The following GRIN2B variants were observed in gnomAD, a reference collection of about 807,000 sequenced individuals.
The protein encoded by GRIN2B is glutamate receptor ionotropic, NMDA 2B.
In GRIN2B, 5 loss-of-function variants were observed where a neutral mutation model predicts 114.5. That is an observed-to-expected ratio of 0.04 (90% CI 0.02 to 0.09). The LOEUF (loss-of-function observed/expected upper bound fraction) is 0.09, where lower values mean the gene tolerates loss of function less well. Ranked by LOEUF, GRIN2B falls within the 10% of genes least tolerant of loss-of-function variation. GRIN2B has a pLI of 1.00. For missense variants in GRIN2B, 1,108 were observed against 1,943.5 expected, an observed-to-expected ratio of 0.57 and a Z score of 8.08; for synonymous variants, 787 against 745.1, an observed-to-expected ratio of 1.06 and a Z score of -0.92.
In GRIN2B at chr12:13,547,981, A is replaced by ATATATATTTTTTTTTT; in HGVS notation, c.*14801_*14802insAAAAAAAAAATATATA. 1.5e-5 allele frequency: 1 copy of ATATATATTTTTTTTTT among 68,596 alleles called. No homozygotes were observed. The highest frequency in any genetic ancestry group is 4.6e-5 in the African/African-American group (1 of 21,784). 4.2% of individuals were successfully genotyped at this position (68,596 alleles called of 1,614,324 possible). On this transcript the variant is annotated 3_prime_UTR_variant, in exon 14 of 14. Coordinates refer to ENST00000609686, the MANE Select transcript of GRIN2B (RefSeq NM_000834.5). Reference sequence around the variant, plus strand: ...TGTGTATATATATATATATATATATATTTTTTTTTTTTTTCTGAAAGCTAC... The same window carrying ATATATATTTTTTTTTT: ...TGTGTATATATATATATATATATATATATATATTTTTTTTTTTTTTTTTTTTTTTTCTGAAAGCTAC...
chr12:13,837,613 G>C (rs781679778), intron 3 of GRIN2B, among the ~76,000 whole-genome samples: 4 of 152,170 alleles, frequency 2.6e-5, no homozygotes, highest in Non-Finnish European at 5.9e-5. Context: ...TTAAGTCATT[G>C]CCTAAGTTCA....
chr12:13,573,123 A>T (rs1333523209), intron 10 of GRIN2B, among the ~76,000 whole-genome samples: 1 of 149,392 alleles, frequency 6.7e-6, no homozygotes, highest in Non-Finnish European at 1.5e-5. Flanking sequence ...CTAATTTTCA[A>T]GAATGTTGTG....
intron 2 of GRIN2B, among the ~76,000 whole-genome samples, chr12:13,878,591 A>C (rs111611888): frequency 3.9e-5 from 6 of 152,326 alleles, no homozygotes; most frequent in African/African-American, 7.2e-5. Context: ...TGAGTTCCAC[A>C]ATAATACCTA....
chr12:13,700,772 C>T (rs1045520262), intron 4 of GRIN2B, among the ~76,000 whole-genome samples: 4 of 152,140 alleles, frequency 2.6e-5, no homozygotes, highest in African/African-American at 9.7e-5. Flanking sequence ...AAATTGTTAG[C>T]AGATAAATAA....
intron 3 of GRIN2B, among the ~76,000 whole-genome samples, chr12:13,798,350 T>G (rs52135): frequency 0.98 from 148,555 of 152,166 alleles, 72,610 homozygotes; most frequent in Middle Eastern, 1. Flanking sequence ...AGGGATTCAA[T>G]TATGAATAAC....
intron 5 of GRIN2B, among the ~76,000 whole-genome samples, chr12:13,656,087 A>G (rs1258950981): frequency 2.6e-5 from 4 of 152,090 alleles, no homozygotes; most frequent in African/African-American, 9.7e-5. Context: ...ATCTTCCTCA[A>G]TCTCCTTCCT....
chr12:13,715,363 G>T (rs1048850185), intron 4 of GRIN2B, among the ~76,000 whole-genome samples: 1 of 151,864 alleles, frequency 6.6e-6, no homozygotes, highest in African/African-American at 2.4e-5. Context: ...CCATTAGGCT[G>T]AGAAATGTTT....
At chr12:13,584,399 TAGTA>T (rs1948890654) in intron 10 of GRIN2B, among the ~76,000 whole-genome samples, 1 of 152,362 alleles carries the variant, frequency 6.6e-6, no homozygotes, top group African/African-American at 2.4e-5. Flanking sequence ...ATCCAACACT[TAGTA>T]AGCTCTCAAT....
At chr12:13,737,631 A>G (rs185492979) in intron 4 of GRIN2B, among the ~76,000 whole-genome samples, 4 of 152,302 alleles carry the variant, frequency 2.6e-5, no homozygotes, top group Admixed American at 2.6e-4. Flanking sequence ...CGTGATACAA[A>G]ATGGTGTCTG....
chr12:13,562,153 T>C lies in GRIN2B; in HGVS notation c.*630A>G, dbSNP rs201674701. The C allele has an allele frequency of 6.5e-6, 1 of 153,050 alleles. No individual in the cohort carries two copies. The highest frequency in any genetic ancestry group is 2.1e-4 in the South Asian group (1 of 4,850). 9.5% of individuals were successfully genotyped at this position (153,050 alleles called of 1,614,324 possible). A position where few individuals can be genotyped will look rare whatever the true frequency, so the allele number is the denominator to read the frequency against. ...ATCCACTCTGCCACCAATGACCTTT[T>C]GTTCTGTTCACCACCACTATCGAGT... On this transcript the variant is annotated 3_prime_UTR_variant, in exon 14 of 14. Coordinates refer to ENST00000609686, the MANE Select transcript of GRIN2B (RefSeq NM_000834.5).
chr12:13,785,747 G>A (rs2136659703), intron 3 of GRIN2B, among the ~76,000 whole-genome samples: 1 of 152,210 alleles, frequency 6.6e-6, no homozygotes, highest in East Asian at 1.9e-4. Flanking sequence ...CATCAATCTT[G>A]TGATGTAACA....
At chr12:13,748,983 G>A (rs530524561) in intron 4 of GRIN2B, among the ~76,000 whole-genome samples, 64 of 152,224 alleles carry the variant, frequency 4.2e-4, no homozygotes, top group African/African-American at 1.5e-3. Context: ...TGCAACCCTG[G>A]CAAAATGCCT....
At chr12:13,826,381 G>A (rs1348215419) in intron 3 of GRIN2B, among the ~76,000 whole-genome samples, 1 of 152,112 alleles carries the variant, frequency 6.6e-6, no homozygotes, top group East Asian at 1.9e-4. Context: ...TGAGGCAGGA[G>A]AATCGCTTGA....
rs35125534 is a variant in GRIN2B, at chr12:13,564,547, G to A, written c.2691C>T (p.Asn897=). 1.9e-3 allele frequency: 3,047 copies of A among 1,614,170 alleles called. 51 individuals carry two copies. In the African/African-American group the frequency reaches 0.035, roughly 19 times the overall value. The change falls in exon 14 of 14, where the codon AAC becomes AAT. Residue 897 remains asparagine (N), a synonymous_variant. Coordinates refer to ENST00000609686, the MANE Select transcript of GRIN2B (RefSeq NM_000834.5). This position sits in a 1 kb window ranked among gnomAD's most constrained non-coding sequence, Gnocchi z 4.8. ...PTATMNNTHS[N]ILRLLRTAKN... is the part of the protein sequence containing the mutation. ...TGGCCGTGCGCAGCAGGCGCAGGAT[G>A]TTGGAGTGTGTGTTGTTCATGGTTG...
intron 5 of GRIN2B, among the ~76,000 whole-genome samples, chr12:13,652,662 C>A (rs937630617): frequency 6.6e-6 from 1 of 152,112 alleles, no homozygotes; most frequent in South Asian, 2.1e-4. Context: ...AATGGGCAGG[C>A]GGCCTAACTC....
At chr12:13,893,217 T>G (rs186615555) in intron 2 of GRIN2B, among the ~76,000 whole-genome samples, 1 of 152,284 alleles carries the variant, frequency 6.6e-6, no homozygotes, top group East Asian at 1.9e-4. Flanking sequence ...ACCACTGTTA[T>G]CAATAAAATA....
chr12:13,607,400 AAT>A (rs1949291489), intron 10 of GRIN2B, among the ~76,000 whole-genome samples: 2 of 58,340 alleles, frequency 3.4e-5, no homozygotes, highest in African/African-American at 8.6e-5. Context: ...TATTATATAT[AAT>A]ATATAAAATA....
chr12:13,591,489 ATTAGGAAACTGAGGCATGAGAAGGGT>A (rs1565466172), intron 10 of GRIN2B, among the ~76,000 whole-genome samples: 4 of 152,342 alleles, frequency 2.6e-5, no homozygotes, highest in Non-Finnish European at 5.9e-5. Context: ...CATTCTACAC[ATTAGGAAACTGAGGCATGAGAAGGGT>A]TTAGGAACCT....
intron 2 of GRIN2B, among the ~76,000 whole-genome samples, chr12:13,967,677 A>G (rs545695045): frequency 1.3e-5 from 2 of 152,308 alleles, no homozygotes; most frequent in Admixed American, 1.3e-4. Flanking sequence ...TGAGAAATTC[A>G]CATCGGGAGG....
Sources: allele counts gnomAD v4.1 joint callset (sites outside exome capture counted in the v4.1 genomes callset), GRCh38; gene constraint gnomAD v4.1.1; non-coding constraint Gnocchi (gnomAD v3.1); transcripts MANE v1.5; gene names NCBI Gene and HGNC (gene_info 2026-07-23, HGNC 2026-07-21).